GMDS: variants seen among roughly 807,000 people sequenced by gnomAD.
The protein encoded by GMDS is GDP-mannose 4,6 dehydratase.
In GMDS, 20 loss-of-function variants were observed where a neutral mutation model predicts 49.9. The ratio of observed to expected loss-of-function variants is 0.40; its 90% CI spans 0.28 to 0.58. The LOEUF is 0.58. Among genes scored for constraint, GMDS ranks in the 20% least tolerant of loss-of-function variants. The probability of loss-of-function intolerance (pLI) is 0.42; values close to 1 mark genes in which losing one functional copy is unlikely to be tolerated. For missense variants in GMDS, 362 were observed against 481.4 expected, an observed-to-expected ratio of 0.75 and a Z score of 2.32; for synonymous variants, 177 against 178.6, an observed-to-expected ratio of 0.99 and a Z score of 0.07.
chr6:1,873,937 T>C (rs1261762540), intron 7 of GMDS, among the ~76,000 whole-genome samples: 2 of 152,146 alleles, frequency 1.3e-5, no homozygotes, highest in Non-Finnish European at 2.9e-5. Flanking sequence ...CATGAAACAA[T>C]CAATCGATTG....
intron 4 of GMDS, among the ~76,000 whole-genome samples, chr6:2,010,986 A>G (rs769373826): frequency 6.6e-6 from 1 of 152,208 alleles, no homozygotes; most frequent in African/African-American, 2.4e-5. Flanking sequence ...TTAAAAAATC[A>G]AACAGGTATA....
At chr6:1,963,355 T>C (rs1026252437) in intron 4 of GMDS, among the ~76,000 whole-genome samples, 1 of 152,222 alleles carries the variant, frequency 6.6e-6, no homozygotes, top group African/African-American at 2.4e-5. Context: ...GCTGGGCTAA[T>C]GTCTTTTCAC....
At chr6:2,211,193 TG>T (rs1461517390) in intron 1 of GMDS, among the ~76,000 whole-genome samples, 2 of 152,178 alleles carry the variant, frequency 1.3e-5, no homozygotes, top group Non-Finnish European at 2.9e-5. Flanking sequence ...AAAACAGCTC[TG>T]GTTTGTTTAC....
At chr6:1,973,440 G>A (rs561160726) in intron 4 of GMDS, among the ~76,000 whole-genome samples, 1 of 152,256 alleles carries the variant, frequency 6.6e-6, no homozygotes, top group South Asian at 2.1e-4. Context: ...GATTATATGA[G>A]GGGTATTTAG....
At chr6:1,953,603 A>G (rs1307590047) in intron 6 of GMDS, among the ~76,000 whole-genome samples, 1 of 152,228 alleles carries the variant, frequency 6.6e-6, no homozygotes, top group Non-Finnish European at 1.5e-5. Context: ...AGACATAATT[A>G]GCCCCAACTG....
intron 7 of GMDS, among the ~76,000 whole-genome samples, chr6:1,752,541 C>T (rs1048463530): frequency 6.6e-6 from 1 of 152,076 alleles, no homozygotes; most frequent in Admixed American, 6.5e-5. Flanking sequence ...GAGAACACCA[C>T]AAAGATACTC....
chr6:1,649,028 C>G (rs2569843), intron 9 of GMDS, among the ~76,000 whole-genome samples: 5 of 152,156 alleles, frequency 3.3e-5, no homozygotes, highest in African/African-American at 1.2e-4. Context: ...AATTACAACT[C>G]TTATTTTTAA....
At chr6:1,713,650 T>G (rs1239022969) in intron 9 of GMDS, among the ~76,000 whole-genome samples, 2 of 152,204 alleles carry the variant, frequency 1.3e-5, no homozygotes, top group Non-Finnish European at 2.9e-5. Flanking sequence ...TTGTGCTGCA[T>G]TTTACAGTTG....
At chr6:1,881,642 A>C (rs559908373) in intron 7 of GMDS, among the ~76,000 whole-genome samples, 34 of 152,328 alleles carry the variant, frequency 2.2e-4, no homozygotes, top group South Asian at 6.2e-4. Flanking sequence ...TCCACACACA[A>C]AAAAATGTTC....
chr6:1,995,683 G>A (rs952923927), intron 4 of GMDS, among the ~76,000 whole-genome samples: 2 of 152,162 alleles, frequency 1.3e-5, no homozygotes, highest in African/African-American at 2.4e-5. Context: ...ACCACATGCA[G>A]GCAGATCCAA....
intron 9 of GMDS, among the ~76,000 whole-genome samples, chr6:1,725,401 A>T (rs1295980635): frequency 1.3e-5 from 2 of 152,150 alleles, no homozygotes; most frequent in African/African-American, 4.8e-5. Context: ...GTCAGTATTT[A>T]TTAAGTACCT....
chr6:1,895,012 G>C (rs1760081225), intron 7 of GMDS, among the ~76,000 whole-genome samples: 1 of 152,250 alleles, frequency 6.6e-6, no homozygotes, highest in South Asian at 2.1e-4. Flanking sequence ...ATATCTTCTA[G>C]AATTACTTTA....
At chr6:1,710,107 C>A (rs537035855) in intron 9 of GMDS, among the ~76,000 whole-genome samples, 11 of 152,194 alleles carry the variant, frequency 7.2e-5, no homozygotes. Flanking sequence ...AGTCAGAGCC[C>A]GTGCTACAGC....
intron 1 of GMDS, among the ~76,000 whole-genome samples, chr6:2,217,071 C>G (rs1344938611): frequency 2.6e-5 from 4 of 152,144 alleles, no homozygotes; most frequent in Non-Finnish European, 4.4e-5. Context: ...GCGCTCAGCA[C>G]GTGGACTCGA....
intron 6 of GMDS, among the ~76,000 whole-genome samples, chr6:1,937,235 C>A (rs1762598309): frequency 6.6e-6 from 1 of 152,160 alleles, no homozygotes; most frequent in Admixed American, 6.5e-5. Flanking sequence ...TTTCTCAGAA[C>A]AAATCCCTGT....
intron 7 of GMDS, among the ~76,000 whole-genome samples, chr6:1,871,232 G>A (rs1294972083): frequency 6.6e-6 from 1 of 152,170 alleles, no homozygotes; most frequent in Non-Finnish European, 1.5e-5. Context: ...CGGCCTCACT[G>A]TTTGAGACGT....
intron 4 of GMDS, among the ~76,000 whole-genome samples, chr6:2,065,106 T>C (rs1184661322): frequency 1.3e-5 from 2 of 151,984 alleles, no homozygotes; most frequent in African/African-American, 2.4e-5. Flanking sequence ...CTCAAGTGGA[T>C]CCCTGACCCC....
At chr6:2,199,023 T>C (rs550035647) in intron 1 of GMDS, among the ~76,000 whole-genome samples, 2 of 152,346 alleles carry the variant, frequency 1.3e-5, no homozygotes, top group South Asian at 4.1e-4. Flanking sequence ...ACTATCTTTA[T>C]ACATAAAGCT....
intron 7 of GMDS, among the ~76,000 whole-genome samples, chr6:1,823,890 C>T (rs1441365700): frequency 6.6e-6 from 1 of 152,036 alleles, no homozygotes; most frequent in Non-Finnish European, 1.5e-5. Context: ...AAAGAAAACC[C>T]AACCTCACCA....
Sources: gnomAD v4.1 joint callset for allele counts (sites outside exome capture counted in the v4.1 genomes callset) on GRCh38, gnomAD v4.1.1 for gene constraint, MANE v1.5 for transcripts, NCBI Gene and HGNC (gene_info 2026-07-23, HGNC 2026-07-21) for gene names.